SENP2: variants seen among roughly 807,000 people sequenced by gnomAD.
SENP2 encodes the protein SUMO specific peptidase 2.
A neutral mutation model predicts 86.3 loss-of-function variants in SENP2; 16 were observed. The ratio of observed to expected loss-of-function variants is 0.19; its 90% confidence interval spans 0.13 to 0.28. SENP2 has a LOEUF of 0.28. Among genes scored for constraint, SENP2 ranks in the 10% least tolerant of loss-of-function variants. The probability of loss-of-function intolerance (pLI) is 1.00; values close to 1 mark genes in which losing one functional copy is unlikely to be tolerated. For missense variants in SENP2, 552 were observed against 703.0 expected, an observed-to-expected ratio of 0.79 and a Z score of 2.43; for synonymous variants, 222 against 238.7, an observed-to-expected ratio of 0.93 and a Z score of 0.64.
intron 15 of SENP2, 22 bp from the exon 16 acceptor site, chr3:185,626,274 CTT>C (rs773002361): frequency 2.0e-6 from 3 of 1,500,546 alleles, no homozygotes; most frequent in Non-Finnish European, 2.8e-6. Flanking sequence ...CCTTTCCTCT[CTT>C]CTTTTTTCTT....
chr3:185,593,678 C>T (rs1307813939), intron 2 of SENP2, among the ~76,000 whole-genome samples: 1 of 151,900 alleles, frequency 6.6e-6, no homozygotes, highest in Non-Finnish European at 1.5e-5. Context: ...TGCTAATCTC[C>T]CATTTTTTAA....
At chr3:185,588,791 T>G (rs1721883856) in intron 1 of SENP2, among the ~76,000 whole-genome samples, 1 of 152,214 alleles carries the variant, frequency 6.6e-6, no homozygotes, top group African/African-American at 2.4e-5. Flanking sequence ...TGGGGCCTTT[T>G]GCAGAGTCTG....
At chr3:185,588,042 A>G (rs1398087953) in intron 1 of SENP2, among the ~76,000 whole-genome samples, 2 of 114,482 alleles carry the variant, frequency 1.7e-5, no homozygotes, top group Non-Finnish European at 3.5e-5. Context: ...CCCGGCCACT[A>G]CCGGCTAATT....
At chr3:185,609,224 C>G (rs73175547) in intron 6 of SENP2, 23 bp from the exon 7 acceptor site, 1 of 1,542,948 alleles carries the variant, frequency 6.5e-7, no homozygotes, top group East Asian at 2.2e-5. Context: ...TGGTACTTAT[C>G]TAACATGCTT....
intron 6 of SENP2, 26 bp downstream of exon 6, chr3:185,606,524 T>TA (rs779264720): frequency 1.9e-5 from 29 of 1,541,818 alleles, no homozygotes; most frequent in South Asian, 3.8e-5. Flanking sequence ...TTGATTTCTT[T>TA]AAAAAAAATT....
At chr3:185,592,446 C>G (rs1217645976) in intron 2 of SENP2, among the ~76,000 whole-genome samples, 1 of 152,122 alleles carries the variant, frequency 6.6e-6, no homozygotes. Context: ...ATATATTCCT[C>G]TTTCTCAAAA....
intron 5 of SENP2, among the ~76,000 whole-genome samples, chr3:185,602,824 C>G (rs1357260155): frequency 1.9e-5 from 2 of 104,782 alleles, no homozygotes; most frequent in African/African-American, 8.0e-5. Flanking sequence ...CAGAGTGAGA[C>G]TCTGTCTTAA....
chr3:185,627,083 CAAAAAAAAAA>C (rs34406883), intron 16 of SENP2, among the ~76,000 whole-genome samples: 18 of 75,548 alleles, frequency 2.4e-4, no homozygotes, highest in African/African-American at 8.8e-4. Context: ...AACCCTGTCT[CAAAAAAAAAA>C]AAAAAAAAAA....
At chr3:185,627,053 GC>G (rs1712180955) in intron 16 of SENP2, among the ~76,000 whole-genome samples, 1 of 137,668 alleles carries the variant, frequency 7.3e-6, no homozygotes, top group Non-Finnish European at 1.5e-5. Flanking sequence ...CACTTCAGCC[GC>G]CTGGGGCAAC....
chr3:185,621,994 T>C (rs938752889), intron 14 of SENP2, 89 bp downstream of exon 14: 12 of 786,882 alleles, frequency 1.5e-5, no homozygotes, highest in Non-Finnish European at 2.5e-5. Context: ...GGTAGTCTAA[T>C]GTGTAGTTAA....
At chr3:185,604,763 CT>C (rs984190661) in intron 5 of SENP2, among the ~76,000 whole-genome samples, 37 of 147,550 alleles carry the variant, frequency 2.5e-4, no homozygotes, top group Non-Finnish European at 3.5e-4. Context: ...TTTTTCTTTT[CT>C]TTTTTTTTTG....
chr3:185,619,028 T>C (rs1467724961), intron 12 of SENP2, among the ~76,000 whole-genome samples: 1 of 152,236 alleles, frequency 6.6e-6, no homozygotes, highest in African/African-American at 2.4e-5. Context: ...GATACAGTTA[T>C]GTAGATCTTT....
At position 185,624,101 on chromosome 3, in the gene SENP2, C is replaced by T; in HGVS notation, c.1611+19C>T. ...ACCACACGTGAGTGACGATCATCTA[C>T]ATGTGACATACTTGGTTGCATTTAC... On this transcript the variant is annotated intron_variant, in intron 15 of 16. Coordinates refer to ENST00000296257, the MANE Select transcript of SENP2 (RefSeq NM_021627.3). 1 of 1,556,306 alleles carries T rather than the reference C, an allele frequency of 6.4e-7. No individual in the cohort carries two copies. The highest frequency in any genetic ancestry group is 8.8e-7 in the Non-Finnish European group (1 of 1,132,338).
At chr3:185,623,233 C>T (rs893101116) in intron 14 of SENP2, among the ~76,000 whole-genome samples, 2 of 151,806 alleles carry the variant, frequency 1.3e-5, no homozygotes, top group Non-Finnish European at 2.9e-5. Flanking sequence ...CCTCTGTCTC[C>T]CGGGTTCAAG....
chr3:185,629,730 T>C lies in SENP2; in HGVS notation c.1708-52T>C, dbSNP rs151050840. 1,442 of 1,557,762 alleles carry C rather than the reference T, an allele frequency of 9.3e-4. 13 individuals are homozygous for C. The highest frequency in any genetic ancestry group is 2.0e-4 in the Non-Finnish European group (231 of 1,128,930). ...ACATGATTACACCTGAAGGTTGTGC[T>C]GCCATGCACATTAATATGTAATGCG... is the stretch of plus-strand genomic sequence containing the variant. On this transcript the variant is annotated intron_variant, in intron 16 of 16. Coordinates refer to ENST00000296257, the MANE Select transcript of SENP2 (RefSeq NM_021627.3).
chr3:185,600,963 G>A, intron 5 of SENP2, 108 bp downstream of exon 5: 2 of 700,970 alleles, frequency 2.9e-6, no homozygotes, highest in South Asian at 3.7e-5. Context: ...TAAGCGCTCT[G>A]AGGTTAGTAA....
Position 185,586,418 on chromosome 3 carries a change from A to G in SENP2, c.5A>G (p.Tyr2Cys), listed in dbSNP as rs2148977487. 6.2e-7 allele frequency: 1 copy of G among 1,613,958 alleles called. No individual in the cohort carries two copies. Among genetic ancestry groups the G allele is most frequent in the Non-Finnish European group, 8.5e-7 (1 of 1,179,988 alleles). The change falls in exon 1 of 17, where the codon TAC becomes TGC. Residue 2 changes from tyrosine to cysteine, a missense_variant. Tyr to Cys is a radical substitution (Grantham distance 194). Transcript: ENST00000296257. This position sits in a 1 kb window ranked among gnomAD's most constrained non-coding sequence, Gnocchi z 4.3. ...CCGCTGCTGCTTGGGCCTGGTATGT[A>G]CAGATGGCTGGTTAGGATTCTCGGC... M[Y>C]RWLVRILGTI...
intron 12 of SENP2, 124 bp from the exon 13 acceptor site, chr3:185,619,175 A>G (rs901470445): frequency 2.9e-6 from 2 of 699,280 alleles, no homozygotes; most frequent in Non-Finnish European, 4.9e-6. Flanking sequence ...GTCTTCTACT[A>G]TAGACAGTCT....
intron 6 of SENP2, 26 bp downstream of exon 6, chr3:185,606,524 TA>T (rs779264720): frequency 7.1e-6 from 11 of 1,541,852 alleles, no homozygotes; most frequent in Non-Finnish European, 7.8e-6. Flanking sequence ...TTGATTTCTT[TA>T]AAAAAAATTT....
Sources: gnomAD v4.1 joint callset for allele counts (sites outside exome capture counted in the v4.1 genomes callset) on GRCh38, gnomAD v4.1.1 for gene constraint, Gnocchi (gnomAD v3.1) non-coding constraint, MANE v1.5 for transcripts, NCBI Gene and HGNC (gene_info 2026-07-23, HGNC 2026-07-21) for gene names.